Variants in IL2RB observed in about 807,000 individuals in gnomAD.
The protein encoded by IL2RB is interleukin 2 receptor subunit beta.
IL2RB carries 17 observed loss-of-function variants against 44.2 expected under a neutral mutation model. The ratio of observed to expected loss-of-function variants is 0.38; its 90% CI spans 0.26 to 0.58. The LOEUF (loss-of-function observed/expected upper bound fraction) is 0.58. Ranked by LOEUF, IL2RB falls within the 20% of genes least tolerant of loss-of-function variation. IL2RB has a pLI of 0.63. For missense variants in IL2RB, 624 were observed against 685.5 expected (o/e 0.91, Z 1.00); for synonymous variants, 286 against 297.9 (o/e 0.96, Z 0.41).
upstream of IL2RB, among the ~76,000 whole-genome samples, chr22:37,152,927 C>CTT (rs1922549670): frequency 9.3e-5 from 10 of 107,694 alleles, no homozygotes; most frequent in Admixed American, 9.1e-4. Context: ...AAGCTGTGGC[C>CTT]TCTTTTTTTT....
intron 1 of IL2RB, among the ~76,000 whole-genome samples, chr22:37,173,332 G>A (rs185311195): frequency 3.2e-4 from 49 of 152,244 alleles, no homozygotes; most frequent in Non-Finnish European, 6.6e-4. Flanking sequence ...GCCGCATGAG[G>A]GCAGGGACCA....
upstream of IL2RB, among the ~76,000 whole-genome samples, chr22:37,150,346 T>G (rs1922434777): frequency 6.6e-6 from 1 of 152,164 alleles, no homozygotes. Flanking sequence ...CCTCCCAGCC[T>G]GCAACACACC....
At chr22:37,145,571 C>T (rs111271167) in intron 1 of IL2RB, among the ~76,000 whole-genome samples, 4 of 151,830 alleles carry the variant, frequency 2.6e-5, no homozygotes, top group African/African-American at 7.3e-5. Flanking sequence ...GCTGGGTGTG[C>T]GGAGGGGAAT....
intron 3 of IL2RB, among the ~76,000 whole-genome samples, chr22:37,143,018 G>T (rs758821143): frequency 1.3e-5 from 2 of 151,808 alleles, no homozygotes; most frequent in Non-Finnish European, 2.9e-5. Context: ...AGCCTACCTG[G>T]GGTCAGTCCC....
intron 1 of IL2RB, among the ~76,000 whole-genome samples, chr22:37,160,451 G>A (rs1922818734): frequency 6.6e-6 from 1 of 152,222 alleles, no homozygotes; most frequent in Non-Finnish European, 1.5e-5. Flanking sequence ...GGGCCAGGTA[G>A]GAAGTGAATT....
In IL2RB at chr22:37,136,406, C is replaced by G; in HGVS notation, c.538-13G>C. The G allele has an allele frequency of 6.2e-7, 1 of 1,600,210 alleles. No individual in the cohort carries two copies. The highest frequency in any genetic ancestry group is 1.3e-5 in the African/African-American group (1 of 74,548). On this transcript the variant is annotated splice_polypyrimidine_tract_variant and intron_variant, in intron 6 of 9. Coordinates refer to ENST00000216223, the MANE Select transcript of IL2RB (RefSeq NM_000878.5). Reference sequence around the variant, plus strand: ...GCAGGGGGGCCTCCTGGGTCGGAGACAGGACTGTCAGCGCCCACCTCACCT... The same window carrying G: ...GCAGGGGGGCCTCCTGGGTCGGAGAGAGGACTGTCAGCGCCCACCTCACCT...
At position 37,143,620 on chromosome 22, in the gene IL2RB, G is replaced by A; in HGVS notation, c.104C>T (p.Thr35Ile). The change falls in exon 3 of 10, where the codon ACA becomes ATA. Residue 35 changes from threonine (T) to isoleucine (I), a missense_variant. Transcript: ENST00000216223. ...GTTGGCTCTCGAGTTGTAGAAGCAT[G>A]TGAACTGGGAAGTGCCTGCCGGGCA... is the stretch of plus-strand genomic sequence containing the variant. Reference protein sequence around the residue: ...SAAVNGTSQFTCFYNSRANIS... With the variant: ...SAAVNGTSQFICFYNSRANIS... The A allele has an allele frequency of 6.2e-7, 1 of 1,613,812 alleles. No homozygotes were observed. The highest frequency in any genetic ancestry group is 1.3e-5 in the African/African-American group (1 of 75,044).
chr22:37,138,956 AG>A, intron 5 of IL2RB, 160 bp downstream of exon 5: 1 of 588,136 alleles, frequency 1.7e-6, no homozygotes, highest in South Asian at 2.0e-5. Context: ...TGCCAGAGGA[AG>A]GAGCCAGGAC....
upstream of IL2RB, among the ~76,000 whole-genome samples, chr22:37,151,287 A>T (rs1015530383): frequency 6.6e-6 from 1 of 152,198 alleles, no homozygotes; most frequent in South Asian, 2.1e-4. Context: ...GTGAGATAAT[A>T]TCTCATTGTA....
At chr22:37,161,581 G>A (rs1215751781) in intron 1 of IL2RB, among the ~76,000 whole-genome samples, 1 of 123,442 alleles carries the variant, frequency 8.1e-6, no homozygotes, top group Non-Finnish European at 1.7e-5. Context: ...CTCAGCTCCA[G>A]ACCTCAGGCG....
chr22:37,159,589 A>T (rs965465569), intron 1 of IL2RB, among the ~76,000 whole-genome samples: 8 of 152,156 alleles, frequency 5.3e-5, no homozygotes, highest in Admixed American at 3.3e-4. Flanking sequence ...TGCCTCTTGG[A>T]GTCCTAGCAT....
chr22:37,162,820 A>G (rs1922926924), intron 1 of IL2RB, among the ~76,000 whole-genome samples: 1 of 151,908 alleles, frequency 6.6e-6, no homozygotes, highest in South Asian at 2.1e-4. Context: ...TGTCTGATTG[A>G]CCGCATCCTA....
rs1027751087 is a variant in IL2RB, at chr22:37,125,880, A to AT, written c.*2215dup. The AT allele has an allele frequency of 1.6e-4, 25 of 152,170 alleles. No homozygotes were observed. The highest frequency in any genetic ancestry group is 6.0e-4 in the African/African-American group (25 of 41,438). The allele number at this position is 152,170 out of a possible 1,614,324, so 9.4% of individuals were successfully genotyped here. On this transcript the variant is annotated 3_prime_UTR_variant, in exon 10 of 10. Transcript: ENST00000216223. ...TATTTTGTACAGTTACCTTTTATTT[A>AT]TAGCGAAAATGGGTTTTTTCATTTA...
chr22:37,149,464 A>G (rs1050153295), intron 1 of IL2RB, among the ~76,000 whole-genome samples: 4 of 152,046 alleles, frequency 2.6e-5, no homozygotes, highest in African/African-American at 9.7e-5. Flanking sequence ...CCCACCCCAT[A>G]TCCCGTACCC....
Position 37,137,739 on chromosome 22 carries a change from G to C in IL2RB, c.389-4C>G, listed in dbSNP as rs1428340041. ...GAGATGGGGGCCATCAGGCGAACTG[G>C]AGACAACAGGGGGTAGGGGAGAGCA... On this transcript the variant is annotated splice_polypyrimidine_tract_variant and splice_region_variant and intron_variant, in intron 5 of 9. Transcript: ENST00000216223. 17 of 1,613,324 alleles carry C rather than the reference G, an allele frequency of 1.1e-5. No individual in the cohort carries two copies. The South Asian group carries it at 1.6e-4, about 16-fold the overall frequency.
Position 37,143,591 on chromosome 22 carries a change from A to T in IL2RB, c.133T>A (p.Ser45Thr). The change falls in exon 3 of 10, where the codon TCC becomes ACC. Residue 45 changes from serine to threonine, a missense_variant. Around this residue, in one of 3 missense-constraint regions of IL2RB, gnomAD observed 78 missense variants for 70.0 expected, o/e 1.11. Coordinates refer to ENST00000216223, the MANE Select transcript of IL2RB (RefSeq NM_000878.5). ...TCFYNSRANI[S>T]CVWSQDGALQ... is the part of the protein sequence containing the mutation. Reference sequence around the variant, plus strand: ...GCCCCATCTTGGCTCCAGACACAGGAGATGTTGGCTCTCGAGTTGTAGAAG... The same window carrying T: ...GCCCCATCTTGGCTCCAGACACAGGTGATGTTGGCTCTCGAGTTGTAGAAG... The T allele has an allele frequency of 6.2e-7, 1 of 1,614,044 alleles. No individual in the cohort carries two copies. The highest frequency in any genetic ancestry group is 1.3e-5 in the African/African-American group (1 of 75,004).
chr22:37,149,541 G>C (rs912359472), intron 1 of IL2RB, among the ~76,000 whole-genome samples: 7 of 152,204 alleles, frequency 4.6e-5, no homozygotes, highest in Admixed American at 4.6e-4. Context: ...CCAGCACACA[G>C]AGCCCAGGGA....
Position 37,135,320 on chromosome 22 carries a change from C to A in IL2RB, c.818+8G>T. 1 of 1,607,536 alleles carries A rather than the reference C, an allele frequency of 6.2e-7. No individual in the cohort carries two copies. On this transcript the variant is annotated splice_region_variant and intron_variant, in intron 8 of 9. Transcript: ENST00000216223. Reference sequence around the variant, plus strand: ...GAGCATGAAGGAAGGGGAGGAGAACCTTCTTACCATGGCCCGGTGTTCCTG... The same window carrying A: ...GAGCATGAAGGAAGGGGAGGAGAACATTCTTACCATGGCCCGGTGTTCCTG...
In IL2RB at chr22:37,126,419, A is replaced by T. The variant is rs1921113293; in HGVS notation, c.*1677T>A. 1 of 152,168 alleles carries T rather than the reference A, an allele frequency of 6.6e-6. No homozygotes were observed. The highest frequency in any genetic ancestry group is 1.5e-5 in the Non-Finnish European group (1 of 68,024). 9.4% of individuals were successfully genotyped at this position (152,168 alleles called of 1,614,324 possible). ...CCAAGGTCCTCTGCTTAGTGGCTCA[A>T]CGCTTGTCTACCTTTCCAAGGCTCA... On this transcript the variant is annotated 3_prime_UTR_variant, in exon 10 of 10. Transcript: ENST00000216223.
Sources: allele counts gnomAD v4.1 joint callset (sites outside exome capture counted in the v4.1 genomes callset), GRCh38; gene constraint gnomAD v4.1.1; regional missense constraint gnomAD v4.1.1; transcripts MANE v1.5; gene names NCBI Gene and HGNC (gene_info 2026-07-23, HGNC 2026-07-21).